The following SYNE2 variants were observed in gnomAD, a reference collection of about 807,000 sequenced individuals.
SYNE2 encodes the protein nesprin-2.
In SYNE2, 431 loss-of-function variants were observed where a neutral mutation model predicts 856.3. The ratio of observed to expected loss-of-function variants is 0.50; its 90% CI spans 0.47 to 0.55. The LOEUF (loss-of-function observed/expected upper bound fraction) is 0.55, where lower values mean the gene tolerates loss of function less well. Among genes scored for constraint, SYNE2 ranks in the 20% least tolerant of loss-of-function variants. SYNE2 has a pLI of 0.00. For synonymous variants in SYNE2, 2,923 were observed against 2,872.3 expected (o/e 1.02, Z -0.56); for missense variants, 8,129 against 8,023.2 (o/e 1.01, Z -0.50).
At chr14:63,765,910 G>A (rs1359845536) in intron 1 of SYNE2, among the ~76,000 whole-genome samples, 1 of 152,044 alleles carries the variant, frequency 6.6e-6, no homozygotes, top group Non-Finnish European at 1.5e-5. Context: ...AGAGGCTAAG[G>A]CAGGAGGATT....
At position 64,177,361 on chromosome 14, in the gene SYNE2, T is replaced by G; in HGVS notation, c.17434T>G (p.Trp5812Gly). The G allele has an allele frequency of 6.2e-7, 1 of 1,614,178 alleles. No individual in the cohort carries two copies. The highest frequency in any genetic ancestry group is 8.5e-7 in the Non-Finnish European group (1 of 1,180,018). ...IKQFQSTVETWDQCEKKIKEL... is the reference protein window; with the variant it reads ...IKQFQSTVETGDQCEKKIKEL... ...TTTTAATCTTGTTTTCAAATAGACC[T>G]GGGACCAGTGTGAAAAGAAAATCAA... Residue 5812 changes from tryptophan (W) to glycine (G), a missense_variant, in exon 96 of 116, where the codon TGG becomes GGG. Trp to Gly is a radical substitution (Grantham distance 184). This residue lies in a region of SYNE2 where 5,410 missense variants were observed against 5,284.8 expected (regional missense o/e 1.02). Coordinates refer to ENST00000555002, the MANE Select transcript of SYNE2 (RefSeq NM_182914.3).
intron 51 of SYNE2, among the ~76,000 whole-genome samples, chr14:64,068,861 CAAAAAAAAAA>C (rs10546690): frequency 1.7e-4 from 13 of 76,630 alleles, no homozygotes; most frequent in African/African-American, 5.8e-4. Context: ...GACTCCGTCT[CAAAAAAAAAA>C]AAAAAAAAAA....
At chr14:64,193,371 G>A (rs371804527) in intron 99 of SYNE2, among the ~76,000 whole-genome samples, 20 of 152,132 alleles carry the variant, frequency 1.3e-4, no homozygotes, top group African/African-American at 3.9e-4. Flanking sequence ...CTTACATGGC[G>A]AAACCCCATC....
chr14:63,872,620 G>A (rs950772585), intron 1 of SYNE2, among the ~76,000 whole-genome samples: 39 of 151,864 alleles, frequency 2.6e-4, no homozygotes, highest in African/African-American at 9.2e-4. Flanking sequence ...GCCGCACGTG[G>A]TGGTGGTGAC....
At chr14:64,017,346 A>G (rs1023883708) in intron 33 of SYNE2, among the ~76,000 whole-genome samples, 99 of 151,466 alleles carry the variant, frequency 6.5e-4, no homozygotes, top group Non-Finnish European at 1.2e-3. Flanking sequence ...AAAAAAAAAA[A>G]AAAAAAAGAA....
chr14:63,932,999 A>G (rs897924680), intron 2 of SYNE2, among the ~76,000 whole-genome samples: 1 of 152,178 alleles, frequency 6.6e-6, no homozygotes, highest in Non-Finnish European at 1.5e-5. Context: ...TTTTTCAGTA[A>G]GGAATTAGGG....
intron 50 of SYNE2, among the ~76,000 whole-genome samples, chr14:64,065,105 C>T (rs2097348758): frequency 6.6e-6 from 1 of 152,102 alleles, no homozygotes; most frequent in African/African-American, 2.4e-5. Context: ...TCTCATGATC[C>T]ACCCACCTTG....
At chr14:63,989,906 T>A (rs956032859) in intron 19 of SYNE2, among the ~76,000 whole-genome samples, 1 of 152,212 alleles carries the variant, frequency 6.6e-6, no homozygotes, top group Non-Finnish European at 1.5e-5. Context: ...CACTTCAGCC[T>A]CCCAAAGTGC....
intron 1 of SYNE2, among the ~76,000 whole-genome samples, chr14:63,764,827 G>A (rs1248971055): frequency 6.6e-6 from 1 of 152,038 alleles, no homozygotes; most frequent in Non-Finnish European, 1.5e-5. Flanking sequence ...GCACACCTGT[G>A]GCCCCAGCTA....
rs2097826714 is a variant in SYNE2 at position 64,113,267 on chromosome 14, G to A, written c.12610-74G>A. 6 of 1,608,950 alleles carry A rather than the reference G, an allele frequency of 3.7e-6. No individual in the cohort carries two copies. The East Asian group carries it at 6.7e-5, about 18-fold the overall frequency. ...TGTTTCTTTTAACTGGGGAAATGTT[G>A]CAGGTTCCCAGGTCTTTGCAGGCCC... On this transcript the variant is annotated intron_variant, in intron 65 of 115. Transcript: ENST00000555002.
intron 11 of SYNE2, among the ~76,000 whole-genome samples, chr14:63,974,782 GTGTA>G (rs1313554123): frequency 2.4e-5 from 2 of 83,742 alleles, no homozygotes; most frequent in African/African-American, 6.7e-5. Flanking sequence ...ATATATATGT[GTGTA>G]TATATATGTG....
rs1566584528 is a variant in SYNE2, at chr14:63,814,932, C to CTATCCATATATATCTATCCATATA, written c.-304-37532_-304-37509dup. On this transcript the variant is annotated intron_variant, in intron 1 of 23. Coordinates refer to the SYNE2 transcript ENST00000674003. ...TATATCCATATATCTATCCATATAT[C>CTATCCATATATATCTATCCATATA]TATCCATATATATCTATCCATATAT... Among the ~76,000 whole-genome samples, 10 of 54,276 alleles carry CTATCCATATATATCTATCCATATA rather than the reference C, an allele frequency of 1.8e-4. No individual in the cohort carries two copies. The East Asian group carries it at 2.1e-3, about 12-fold the overall frequency. The allele number at this position is 54,276 out of a possible 152,430, so 35.6% of individuals were successfully genotyped here.
At chr14:63,761,882 G>T (rs955134305), upstream of SYNE2, 1 of 216,890 alleles carries the variant, frequency 4.6e-6, no homozygotes, top group South Asian at 6.0e-5. Context: ...AAACCAGCCC[G>T]AGCGGCGGCG....
chr14:64,219,366 C>T lies in SYNE2; in HGVS notation c.19816C>T (p.Pro6606Ser). Residue 6606 changes from proline (P) to serine (S), a missense_variant, in exon 110 of 116, where the codon CCC (proline) becomes TCC (serine). Pro to Ser is a moderately conservative substitution (Grantham distance 74). This residue lies in a region of SYNE2 where 5,410 missense variants were observed against 5,284.8 expected (regional missense o/e 1.02). Coordinates refer to ENST00000555002, the MANE Select transcript of SYNE2 (RefSeq NM_182914.3). Reference sequence around the variant, plus strand: ...GGAAATGTTAAAGATGGCAAAGCCTCCCTCTGATATCCAGGAAATAGAACT... The same window carrying T: ...GGAAATGTTAAAGATGGCAAAGCCTTCCTCTGATATCCAGGAAATAGAACT... ...ELEMLKMAKP[P>S]SDIQEIELRV... is the part of the protein sequence containing the mutation. The T allele has an allele frequency of 6.2e-7, 1 of 1,614,074 alleles. No individual in the cohort carries two copies. The highest frequency in any genetic ancestry group is 8.5e-7 in the Non-Finnish European group (1 of 1,180,024).
intron 13 of SYNE2, 91 bp downstream of exon 13, chr14:63,978,108 A>G (rs1425408447): frequency 1.2e-6 from 1 of 869,458 alleles, no homozygotes; most frequent in Non-Finnish European, 1.9e-6. Flanking sequence ...AGATTTTTAG[A>G]TAATTTTTAC....
intron 1 of SYNE2, among the ~76,000 whole-genome samples, chr14:63,902,522 G>C (rs2095352260): frequency 6.6e-6 from 1 of 151,776 alleles, no homozygotes; most frequent in South Asian, 2.1e-4. Flanking sequence ...GCCAGAAGGA[G>C]TACCCAGGAA....
chr14:64,065,154 C>T (rs546680551), intron 50 of SYNE2, among the ~76,000 whole-genome samples: 12 of 152,246 alleles, frequency 7.9e-5, no homozygotes, highest in African/African-American at 2.2e-4. Flanking sequence ...TGAGCCACTG[C>T]GTCTGGCAAA....
intron 39 of SYNE2, 66 bp downstream of exon 39, chr14:64,024,525 C>A: frequency 6.8e-7 from 1 of 1,462,728 alleles, no homozygotes; most frequent in Non-Finnish European, 9.5e-7. Flanking sequence ...TACTCTGCCT[C>A]AGCGCAGAGA....
chr14:63,849,530 T>C (rs1033572279), upstream of SYNE2, among the ~76,000 whole-genome samples: 1 of 152,196 alleles, frequency 6.6e-6, no homozygotes, highest in African/African-American at 2.4e-5. Context: ...AATCAACTTG[T>C]ATACTTCCTT....
Sources: gnomAD v4.1 joint callset for allele counts (sites outside exome capture counted in the v4.1 genomes callset) on GRCh38, gnomAD v4.1.1 for gene constraint, gnomAD v4.1.1 regional missense constraint, MANE v1.5 for transcripts, NCBI Gene and HGNC (gene_info 2026-07-23, HGNC 2026-07-21) for gene names.